The following FRYL variants were observed in gnomAD, a reference collection of about 807,000 sequenced individuals.
The protein encoded by FRYL is FRY like transcription coactivator, also known as protein furry homolog-like.
In FRYL, 150 loss-of-function variants were observed where a neutral mutation model predicts 351.2. The ratio of observed to expected loss-of-function variants is 0.43; its 90% CI spans 0.37 to 0.49. The LOEUF is 0.49. Among genes scored for constraint, FRYL ranks in the 20% least tolerant of loss-of-function variants. The probability of loss-of-function intolerance (pLI) is 0.00; values close to 1 mark genes in which losing one functional copy is unlikely to be tolerated. For synonymous variants in FRYL, 1,153 were observed against 1,257.1 expected (o/e 0.92, Z 1.75); for missense variants, 3,036 against 3,619.3 (o/e 0.84, Z 4.13).
Position 48,557,493 on chromosome 4 carries a change from G to A in FRYL, c.4085C>T (p.Thr1362Ile). ...RGEGWGSPQA[T>I]AMVLNNLMYM... ...CATCAGATTGTTCAAAACCATTGCA[G>A]TGGCTTGTGGAGATCCCCATCCTTC... is the stretch of plus-strand genomic sequence containing the variant. Residue 1362 changes from threonine (T) to isoleucine (I), a missense_variant, in exon 34 of 64, where the codon ACT (threonine) becomes ATT (isoleucine). Physicochemically the swap from Thr to Ile is moderately conservative, Grantham distance 89. Coordinates refer to ENST00000358350, the MANE Select transcript of FRYL (RefSeq NM_015030.2). 6.2e-7 allele frequency: 1 copy of A among 1,614,130 alleles called. No individual in the cohort carries two copies. Among genetic ancestry groups the A allele is most frequent in the Non-Finnish European group, 8.5e-7 (1 of 1,180,018 alleles).
intron 53 of FRYL, among the ~76,000 whole-genome samples, chr4:48,524,857 T>C (rs1311276941): frequency 6.6e-6 from 1 of 152,064 alleles, no homozygotes; most frequent in Non-Finnish European, 1.5e-5. Flanking sequence ...TGTCAAGAGC[T>C]GCCTTTAGAA....
intron 3 of FRYL, among the ~76,000 whole-genome samples, chr4:48,675,483 G>A (rs549729686): frequency 2.0e-5 from 3 of 152,342 alleles, no homozygotes; most frequent in South Asian, 4.1e-4. Context: ...CTTAGCACCC[G>A]GGCCAGCGGC....
intron 9 of FRYL, among the ~76,000 whole-genome samples, chr4:48,607,230 T>TAGGG (rs1747036688): frequency 6.6e-6 from 1 of 152,128 alleles, no homozygotes; most frequent in African/African-American, 2.4e-5. Context: ...CCTTCCCCCC[T>TAGGG]ATATATTATG....
chr4:48,550,685 A>G lies in FRYL; in HGVS notation c.4540T>C (p.Tyr1514His). The G allele has an allele frequency of 6.2e-7, 1 of 1,613,232 alleles. No individual in the cohort carries two copies. The highest frequency in any genetic ancestry group is 1.6e-4 in the Middle Eastern group (1 of 6,062). ...IEESYVHLDI[Y>H]SGLNSHLNRQ... Reference sequence around the variant, plus strand: ...TTCAAATGACTGTTTAGTCCACTGTAAATGTCCAGGTGCACATAGCTATGG... The same window carrying G: ...TTCAAATGACTGTTTAGTCCACTGTGAATGTCCAGGTGCACATAGCTATGG... Residue 1514 changes from tyrosine (Y) to histidine (H), a missense_variant, in exon 38 of 64, where the codon TAC becomes CAC. By Grantham distance (83) the Tyr-to-His change is moderately conservative (BLOSUM62 2). Around this residue, in one of 7 missense-constraint regions of FRYL, gnomAD observed 1,987 missense variants for 2,311.7 expected, o/e 0.86. Coordinates refer to ENST00000358350, the MANE Select transcript of FRYL (RefSeq NM_015030.2).
chr4:48,731,732 T>C (rs1212165824), intron 1 of FRYL, among the ~76,000 whole-genome samples: 1 of 152,178 alleles, frequency 6.6e-6, no homozygotes, highest in Non-Finnish European at 1.5e-5. Context: ...GCTAGCCATA[T>C]GCAGAAAACT....
At position 48,696,660 on chromosome 4, in the gene FRYL, G is replaced by A. The variant is rs183619146; in HGVS notation, c.-203-11865C>T. ...GTATACCTATACAACAAACCTACACGTTCTGCACTTGTATCCCGGAACTTA... is the reference window on the plus strand; with the variant it reads ...GTATACCTATACAACAAACCTACACATTCTGCACTTGTATCCCGGAACTTA... On this transcript the variant is annotated intron_variant, in intron 2 of 63. Transcript: ENST00000358350. Among the ~76,000 whole-genome samples, 231 of 151,930 alleles carry A rather than the reference G, an allele frequency of 1.5e-3. 2 individuals carry two copies. The highest frequency in any genetic ancestry group is 5.4e-3 in the African/African-American group (222 of 41,418).
At position 48,560,061 on chromosome 4, in the gene FRYL, C is replaced by T. The variant is rs948686534; in HGVS notation, c.3865+1407G>A. Among the ~76,000 whole-genome samples, 8 of 151,712 alleles carry T rather than the reference C, an allele frequency of 5.3e-5. No homozygotes were observed. In the South Asian group the frequency reaches 6.2e-4, roughly 12 times the overall value. On this transcript the variant is annotated intron_variant, in intron 33 of 63. Transcript: ENST00000358350. ...ATATGGAATAGTGAGTGTATATACT[C>T]GAGGCAAGGCACAGGGGTGAGGAAG...
At chr4:48,769,449 A>C (rs1481412613) in intron 1 of FRYL, among the ~76,000 whole-genome samples, 4 of 152,260 alleles carry the variant, frequency 2.6e-5, no homozygotes, top group African/African-American at 2.4e-5. Flanking sequence ...GGATATAGAG[A>C]AACTTTCATA....
intron 1 of FRYL, among the ~76,000 whole-genome samples, chr4:48,769,110 A>G (rs576730595): frequency 6.6e-6 from 1 of 152,276 alleles, no homozygotes; most frequent in African/African-American, 2.4e-5. Flanking sequence ...CTCCAGCCTG[A>G]GTAACAGAAT....
At chr4:48,685,082 T>C (rs987826525) in intron 2 of FRYL, among the ~76,000 whole-genome samples, 1 of 152,158 alleles carries the variant, frequency 6.6e-6, no homozygotes, top group Non-Finnish European at 1.5e-5. Context: ...TCATCCACTT[T>C]CCCCAACCTC....
intron 1 of FRYL, among the ~76,000 whole-genome samples, chr4:48,719,616 T>G (rs1264168436): frequency 6.7e-6 from 1 of 149,212 alleles, no homozygotes; most frequent in Non-Finnish European, 1.5e-5. Flanking sequence ...CAGAAATATC[T>G]TTTCCAGCCA....
intron 61 of FRYL, among the ~76,000 whole-genome samples, chr4:48,502,300 G>A (rs1489565525): frequency 6.6e-6 from 1 of 152,116 alleles, no homozygotes; most frequent in Non-Finnish European, 1.5e-5. Context: ...TAGCACTTTG[G>A]GAGGCCGAGG....
intron 1 of FRYL, among the ~76,000 whole-genome samples, chr4:48,747,302 G>A (rs1400604642): frequency 1.3e-5 from 2 of 152,030 alleles, no homozygotes; most frequent in Non-Finnish European, 2.9e-5. Flanking sequence ...AATCAACAAA[G>A]GTTATTTCCC....
chr4:48,516,641 T>C (rs1192487533), intron 55 of FRYL, among the ~76,000 whole-genome samples: 1 of 152,196 alleles, frequency 6.6e-6, no homozygotes, highest in Non-Finnish European at 1.5e-5. Context: ...CCAGGCCTTA[T>C]TCATATGTAA....
chr4:48,504,434 A>G (rs1266885637), intron 60 of FRYL, among the ~76,000 whole-genome samples: 1 of 152,104 alleles, frequency 6.6e-6, no homozygotes, highest in Admixed American at 6.6e-5. Flanking sequence ...CTTAATATAA[A>G]CACCTAGTTT....
chr4:48,779,827 C>T (rs1276311496), intron 1 of FRYL, among the ~76,000 whole-genome samples: 1 of 151,530 alleles, frequency 6.6e-6, no homozygotes, highest in Non-Finnish European at 1.5e-5. Context: ...GGAGCTCGGG[C>T]GGGCTTTCGG....
rs117418210 is a variant in FRYL at position 48,530,152 on chromosome 4, C to T, written c.6903+1004G>A. Reference sequence around the variant, plus strand: ...CACTTCTGAGTCAACATGTCCAAGACGGAACTCATTGCCCCCTCTCCTTCC... The same window carrying T: ...CACTTCTGAGTCAACATGTCCAAGATGGAACTCATTGCCCCCTCTCCTTCC... On this transcript the variant is annotated intron_variant, in intron 50 of 63. Transcript: ENST00000358350. Among the ~76,000 whole-genome samples, 1,254 of 152,288 alleles carry T rather than the reference C, an allele frequency of 8.2e-3. 34 individuals are homozygous for T. The highest frequency in any genetic ancestry group is 0.052 in the Admixed American group (792 of 15,280).
intron 3 of FRYL, among the ~76,000 whole-genome samples, chr4:48,648,797 T>C (rs538229004): frequency 6.6e-6 from 1 of 152,334 alleles, no homozygotes; most frequent in African/African-American, 2.4e-5. Context: ...TCCATGTATA[T>C]GAAATGTCCA....
In FRYL at chr4:48,502,935, G is replaced by C; in HGVS notation, c.8464-90C>G. On this transcript the variant is annotated intron_variant, in intron 60 of 63. Coordinates refer to ENST00000358350, the MANE Select transcript of FRYL (RefSeq NM_015030.2). ...AGAAATCATTTTAACTAGGGTCACA[G>C]ATGTTCCAGGTAAACTGAAGAACAT... 7.3e-6 allele frequency: 7 copies of C among 959,382 alleles called. No individual in the cohort carries two copies. In the Middle Eastern group the frequency reaches 1.3e-3, roughly 181 times the overall value. 59.4% of individuals were successfully genotyped at this position (959,382 alleles called of 1,614,324 possible). A position where few individuals can be genotyped will look rare whatever the true frequency, so the allele number is the denominator to read the frequency against.
Sources: gnomAD v4.1 joint callset for allele counts (sites outside exome capture counted in the v4.1 genomes callset) on GRCh38, gnomAD v4.1.1 for gene constraint, gnomAD v4.1.1 regional missense constraint, MANE v1.5 for transcripts, NCBI Gene and HGNC (gene_info 2026-07-23, HGNC 2026-07-21) for gene names.